The following UBAP2L variants were observed in gnomAD, a reference collection of about 807,000 sequenced individuals.
UBAP2L encodes the protein ubiquitin-associated protein 2-like.
Under a neutral mutation model 130.6 loss-of-function variants are expected in UBAP2L, and 12 were observed. The observed-to-expected ratio is 0.09, with a 90% CI of 0.06 to 0.15. UBAP2L has a LOEUF of 0.15. Among genes scored for constraint, UBAP2L ranks in the 10% least tolerant of loss-of-function variants. UBAP2L has a pLI of 1.00. For synonymous variants in UBAP2L, 503 were observed against 524.7 expected, an observed-to-expected ratio of 0.96 and a Z score of 0.57; for missense variants, 965 against 1,332.5, an observed-to-expected ratio of 0.72 and a Z score of 4.29.
chr1:154,245,693 A>G (rs540947638), intron 10 of UBAP2L, among the ~76,000 whole-genome samples: 1 of 152,174 alleles, frequency 6.6e-6, no homozygotes, highest in South Asian at 2.1e-4. Context: ...AGGCGGGCGG[A>G]TCATGAGGTC....
At chr1:154,250,361 T>TC (rs397704617) in intron 12 of UBAP2L, among the ~76,000 whole-genome samples, 21 of 151,868 alleles carry the variant, frequency 1.4e-4, no homozygotes, top group Non-Finnish European at 2.9e-4. Context: ...CATTTTTTTT[T>TC]CCTCATCAAC....
intron 26 of UBAP2L, 90 bp from the exon 27 acceptor site, chr1:154,270,110 A>C: frequency 6.9e-7 from 1 of 1,459,420 alleles, no homozygotes; most frequent in Non-Finnish European, 9.2e-7. Flanking sequence ...AGAGCAAGAC[A>C]GTTTGCACAT....
rs549707942 is a variant in UBAP2L, at chr1:154,258,172, T to C, written c.2442+738T>C. Among the ~76,000 whole-genome samples, 28 of 152,310 alleles carry C rather than the reference T, an allele frequency of 1.8e-4. 1 individual carries two copies. The South Asian group carries it at 5.8e-3, about 32-fold the overall frequency. On this transcript the variant is annotated intron_variant, in intron 20 of 26. Coordinates refer to ENST00000428931, the MANE Select transcript of UBAP2L (RefSeq NM_014847.4). ...TTTTTTTAGAGACAGGGTCTTCCTA[T>C]GTTGCCTAGGCTGGTCTCAAAATCC... is the stretch of plus-strand genomic sequence containing the variant.
rs867359846 is a variant in UBAP2L at position 154,246,195 on chromosome 1, C to G, written c.843-9C>G. On this transcript the variant is annotated splice_polypyrimidine_tract_variant and intron_variant, in intron 10 of 26. Coordinates refer to ENST00000428931, the MANE Select transcript of UBAP2L (RefSeq NM_014847.4). ...ATTCTTCATGAAGATCCCTTCCCTT[C>G]CCCATTAGAATTGACCTTGCTGTTC... 3.8e-6 allele frequency: 6 copies of G among 1,595,976 alleles called. No homozygotes were observed. The highest frequency in any genetic ancestry group is 1.8e-4 in the Middle Eastern group (1 of 5,560).
chr1:154,238,890 G>A (rs1229121912), intron 8 of UBAP2L, among the ~76,000 whole-genome samples: 3 of 151,914 alleles, frequency 2.0e-5, no homozygotes, highest in Non-Finnish European at 2.9e-5. Context: ...ACAGGTGCAC[G>A]CCACCACGCC....
At chr1:154,267,906 T>TTTTTTTTTTTTTG (rs1683806354) in intron 25 of UBAP2L, among the ~76,000 whole-genome samples, 4 of 135,896 alleles carry the variant, frequency 2.9e-5, no homozygotes, top group East Asian at 2.0e-4. Flanking sequence ...TTTTTTTTTT[T>TTTTTTTTTTTTTG]GAGACGGAGT....
chr1:154,247,975 A>T (rs115584241), intron 11 of UBAP2L, among the ~76,000 whole-genome samples: 45,540 of 149,090 alleles, frequency 0.31, 8,467 homozygotes, highest in Admixed American at 0.47. Context: ...TTTATTTTTT[A>T]TTTTTTTTTG....
chr1:154,220,184 C>T, upstream of UBAP2L: 1 of 963,210 alleles, frequency 1.0e-6, no homozygotes, highest in Non-Finnish European at 1.6e-6. Flanking sequence ...GTCGGCCCGA[C>T]TAAGTGACTT....
At chr1:154,220,542 A>G, upstream of UBAP2L, 1 of 878,940 alleles carries the variant, frequency 1.1e-6, no homozygotes, top group Non-Finnish European at 1.8e-6. Flanking sequence ...AGACCAAGCC[A>G]GACCCGGCCT....
chr1:154,263,229 A>G, intron 24 of UBAP2L: 1 of 1,547,084 alleles, frequency 6.5e-7, no homozygotes, highest in South Asian at 1.2e-5. Context: ...AAACCAGACC[A>G]CTGAGGAGAG....
intron 10 of UBAP2L, among the ~76,000 whole-genome samples, chr1:154,244,324 A>G (rs563906940): frequency 1.3e-5 from 2 of 152,294 alleles, no homozygotes; most frequent in Admixed American, 6.5e-5. Context: ...CAAGTTTGAT[A>G]ACTCACTAGA....
At chr1:154,251,700 C>G (rs1450407959) in intron 14 of UBAP2L, 47 bp downstream of exon 14, 1 of 1,598,728 alleles carries the variant, frequency 6.3e-7, no homozygotes, top group Admixed American at 1.7e-5. Context: ...ACCTTTACTA[C>G]TTTTTTAATC....
chr1:154,267,880 C>CTTT lies in UBAP2L; in HGVS notation c.2971-853_2971-851dup, dbSNP rs869153080. Among the ~76,000 whole-genome samples, 52 of 52,082 alleles carry CTTT rather than the reference C, an allele frequency of 1.0e-3. 7 individuals are homozygous for CTTT. Among genetic ancestry groups the CTTT allele is most frequent in the Non-Finnish European group, 1.6e-3 (44 of 27,626 alleles). 34.2% of individuals were successfully genotyped at this position (52,082 alleles called of 152,430 possible). A position where few individuals can be genotyped will look rare whatever the true frequency, so the allele number is the denominator to read the frequency against. ...TCCACATTCCATCCTCTTATTTGGT[C>CTTT]TTTTTTTTTTTTTTTTTTTTTTTTT... On this transcript the variant is annotated intron_variant, in intron 25 of 26. Coordinates refer to ENST00000428931, the MANE Select transcript of UBAP2L (RefSeq NM_014847.4).
downstream of UBAP2L, chr1:154,271,326 G>T (rs145438766): frequency 6.7e-5 from 13 of 194,956 alleles, no homozygotes; most frequent in East Asian, 1.5e-3. Context: ...ACTAAATCTT[G>T]GAGTGGGGTG....
At chr1:154,267,661 ATTTTTGT>A (rs1333003215) in intron 25 of UBAP2L, among the ~76,000 whole-genome samples, 1 of 150,550 alleles carries the variant, frequency 6.6e-6, no homozygotes, top group Non-Finnish European at 1.5e-5. Flanking sequence ...TGTATTTTGT[ATTTTTGT>A]TTTTTGGTAG....
intron 7 of UBAP2L, 76 bp downstream of exon 7, chr1:154,236,687 A>C: frequency 6.6e-7 from 1 of 1,512,626 alleles, no homozygotes; most frequent in East Asian, 2.2e-5. Context: ...CAAAATGATC[A>C]GAATGATTTC....
chr1:154,270,349 A>C lies in UBAP2L; in HGVS notation c.*54A>C, dbSNP rs747761218. The C allele has an allele frequency of 3.7e-6, 6 of 1,611,100 alleles. No individual in the cohort carries two copies. In the East Asian group the frequency reaches 6.7e-5, roughly 18 times the overall value. On this transcript the variant is annotated 3_prime_UTR_variant, in exon 27 of 27. Coordinates refer to ENST00000428931, the MANE Select transcript of UBAP2L (RefSeq NM_014847.4). The stretch of plus-strand genomic sequence containing the variant: ...CTTCTGAGAGGGCTTCTCAGCCTGG[A>C]AACTATGGAAACAGCATCAAAGAGA...
rs539836143 is a variant in UBAP2L at position 154,240,081 on chromosome 1, T to A, written c.704-1432T>A. Among the ~76,000 whole-genome samples, 4 of 152,350 alleles carry A rather than the reference T, an allele frequency of 2.6e-5. No individual in the cohort carries two copies. In the East Asian group the frequency reaches 5.8e-4, roughly 22 times the overall value. On this transcript the variant is annotated intron_variant, in intron 8 of 26. Coordinates refer to ENST00000428931, the MANE Select transcript of UBAP2L (RefSeq NM_014847.4). ...TAATGTGGTGTTAGAATACTTCTCT[T>A]CAGTGGCACAGCATCTGAATGTCAG...
At chr1:154,245,644 G>A (rs187577836) in intron 10 of UBAP2L, among the ~76,000 whole-genome samples, 2,162 of 152,224 alleles carry the variant, frequency 0.014, 25 homozygotes, top group Admixed American at 0.024. Flanking sequence ...GGTGCGGTGC[G>A]GTGGCTAACG....
Sources: gnomAD v4.1 joint callset for allele counts (sites outside exome capture counted in the v4.1 genomes callset) on GRCh38, gnomAD v4.1.1 for gene constraint, MANE v1.5 for transcripts, NCBI Gene and HGNC (gene_info 2026-07-23, HGNC 2026-07-21) for gene names.